KCNB2: variants seen among roughly 807,000 people sequenced by gnomAD.
KCNB2 encodes potassium voltage-gated channel subfamily B member 2, also known as delayed rectifier potassium channel protein.
KCNB2 carries 15 observed loss-of-function variants against 61.5 expected under a neutral mutation model. That is an observed-to-expected ratio of 0.24 (90% CI 0.16 to 0.38). The LOEUF is 0.38. KCNB2 is among the 10% of genes least tolerant of loss of function. The probability of loss-of-function intolerance (pLI) is 1.00; values close to 1 mark genes in which losing one functional copy is unlikely to be tolerated. For missense variants in KCNB2, 828 were observed against 1,125.2 expected (o/e 0.74, Z 3.78); for synonymous variants, 457 against 446.0 (o/e 1.02, Z -0.31).
chr8:72,873,580 C>T (rs1272757717), intron 2 of KCNB2, among the ~76,000 whole-genome samples: 1 of 152,208 alleles, frequency 6.6e-6, no homozygotes, highest in African/African-American at 2.4e-5. Context: ...TCCATAAGGG[C>T]CTCTGGCGGG....
At chr8:72,725,545 G>GTA (rs1238625545) in intron 2 of KCNB2, among the ~76,000 whole-genome samples, 2 of 63,710 alleles carry the variant, frequency 3.1e-5, no homozygotes, top group Admixed American at 3.4e-4. Flanking sequence ...ATATATGTGT[G>GTA]TATATATATA....
chr8:72,566,637 G>A (rs1054688563), intron 1 of KCNB2, among the ~76,000 whole-genome samples: 1 of 151,866 alleles, frequency 6.6e-6, no homozygotes, highest in African/African-American at 2.4e-5. Context: ...AGCCCAGGAG[G>A]CAGAAGTTGC....
At position 72,687,033 on chromosome 8, in the gene KCNB2, T is replaced by C. The variant is rs575724554; in HGVS notation, c.579+118720T>C. Among the ~76,000 whole-genome samples the C allele has an allele frequency of 3.3e-3, 497 of 152,286 alleles. 1 individual carries two copies. Among genetic ancestry groups the C allele is most frequent in the Non-Finnish European group, 6.4e-3 (435 of 68,014 alleles). ...AGCATCAGTTACCTAGGGAGCTCTGTGGGAAGTCACTTGAGAATGCTACTG... is the reference window on the plus strand; with the variant it reads ...AGCATCAGTTACCTAGGGAGCTCTGCGGGAAGTCACTTGAGAATGCTACTG... On this transcript the variant is annotated intron_variant, in intron 2 of 2. Transcript: ENST00000523207.
At chr8:72,667,602 A>G (rs1282449130) in intron 2 of KCNB2, among the ~76,000 whole-genome samples, 3 of 151,980 alleles carry the variant, frequency 2.0e-5, no homozygotes, top group Non-Finnish European at 2.9e-5. Context: ...CCCACTACCA[A>G]ATTCTGCTTC....
At chr8:72,900,512 A>G (rs1806070008) in intron 2 of KCNB2, among the ~76,000 whole-genome samples, 1 of 152,198 alleles carries the variant, frequency 6.6e-6, no homozygotes, top group Non-Finnish European at 1.5e-5. Context: ...TAATTAAACT[A>G]AAGAGCTTCA....
intron 2 of KCNB2, among the ~76,000 whole-genome samples, chr8:72,820,077 T>C (rs1029394014): frequency 6.6e-6 from 1 of 152,122 alleles, no homozygotes; most frequent in African/African-American, 2.4e-5. Context: ...ATACCCATCC[T>C]TCAGCTTACT....
At chr8:72,687,517 A>G (rs1806870974) in intron 2 of KCNB2, among the ~76,000 whole-genome samples, 1 of 152,144 alleles carries the variant, frequency 6.6e-6, no homozygotes, top group South Asian at 2.1e-4. Context: ...TGGTTTTCTC[A>G]GTGGGGAGGG....
intron 2 of KCNB2, among the ~76,000 whole-genome samples, chr8:72,731,141 G>GGTGA (rs1008289003): frequency 6.6e-6 from 1 of 152,128 alleles, no homozygotes; most frequent in African/African-American, 2.4e-5. Context: ...TGGATGGAAG[G>GGTGA]GTGAGTGAGT....
intron 2 of KCNB2, among the ~76,000 whole-genome samples, chr8:72,686,419 C>T (rs1806854643): frequency 6.6e-6 from 1 of 152,082 alleles, no homozygotes; most frequent in African/African-American, 2.4e-5. Flanking sequence ...ACAATCATAG[C>T]TTACTGGCCC....
At chr8:72,561,321 T>A (rs1377577330) in intron 1 of KCNB2, among the ~76,000 whole-genome samples, 6 of 151,984 alleles carry the variant, frequency 3.9e-5, no homozygotes, top group Non-Finnish European at 8.8e-5. Flanking sequence ...CACTCCCAGA[T>A]AATTTTTGTA....
chr8:72,883,328 C>G (rs1805749267), intron 2 of KCNB2, among the ~76,000 whole-genome samples: 1 of 152,190 alleles, frequency 6.6e-6, no homozygotes, highest in Non-Finnish European at 1.5e-5. Context: ...TAACTACAGT[C>G]TCTGCAGAGG....
chr8:72,577,901 T>C (rs895742869), intron 2 of KCNB2, among the ~76,000 whole-genome samples: 15 of 152,200 alleles, frequency 9.9e-5, no homozygotes, highest in African/African-American at 3.6e-4. Flanking sequence ...CAATTTGGAA[T>C]ACTGAAGGGC....
chr8:72,561,723 A>ATATATATATGTG (rs1806522956), intron 1 of KCNB2, among the ~76,000 whole-genome samples: 1 of 31,800 alleles, frequency 3.1e-5, no homozygotes, highest in African/African-American at 2.8e-4. Flanking sequence ...ATATATATAT[A>ATATATATATGTG]TATATCTATA....
At chr8:72,599,696 A>G (rs867056682) in intron 2 of KCNB2, among the ~76,000 whole-genome samples, 2 of 152,186 alleles carry the variant, frequency 1.3e-5, no homozygotes, top group Non-Finnish European at 2.9e-5. Context: ...CAACCTCCTC[A>G]TCAGACAAAG....
chr8:72,607,010 G>C (rs578087059), intron 2 of KCNB2, among the ~76,000 whole-genome samples: 1 of 152,274 alleles, frequency 6.6e-6, no homozygotes, highest in East Asian at 1.9e-4. Context: ...GATTTGGCTA[G>C]AGAAAAGAGC....
At chr8:72,743,704 T>C (rs889638159) in intron 2 of KCNB2, among the ~76,000 whole-genome samples, 1 of 152,242 alleles carries the variant, frequency 6.6e-6, no homozygotes, top group Non-Finnish European at 1.5e-5. Flanking sequence ...GTATTTTTTC[T>C]GTCTTTCACA....
Position 72,932,448 on chromosome 8 carries a change from A to G in KCNB2, c.580-3487A>G, listed in dbSNP as rs190864926. Among the ~76,000 whole-genome samples, 1,152 of 152,264 alleles carry G rather than the reference A, an allele frequency of 7.6e-3. 10 individuals are homozygous for G. The highest frequency in any genetic ancestry group is 0.012 in the Non-Finnish European group (843 of 68,008). ...CCCTTGTCTCCTGCTAAATCACTGA[A>G]GTTTGGGGAGTTCCTTCAGACCCCC... is the stretch of plus-strand genomic sequence containing the variant. On this transcript the variant is annotated intron_variant, in intron 2 of 2. Transcript: ENST00000523207.
chr8:72,631,476 C>G (rs1200384393), intron 2 of KCNB2, among the ~76,000 whole-genome samples: 1 of 152,206 alleles, frequency 6.6e-6, no homozygotes, highest in Admixed American at 6.5e-5. Flanking sequence ...GTTTGCATCT[C>G]TGTGTCCAAG....
At chr8:72,800,703 G>A (rs145079763) in intron 2 of KCNB2, among the ~76,000 whole-genome samples, 52 of 152,150 alleles carry the variant, frequency 3.4e-4, no homozygotes, top group Non-Finnish European at 6.0e-4. Flanking sequence ...AGAGATTTTT[G>A]TCCCCCAGAC....
Sources: allele counts gnomAD v4.1 joint callset (sites outside exome capture counted in the v4.1 genomes callset), GRCh38; gene constraint gnomAD v4.1.1; transcripts MANE v1.5; gene names NCBI Gene and HGNC (gene_info 2026-07-23, HGNC 2026-07-21).